ABCC9: variants seen among roughly 807,000 people sequenced by gnomAD.
ABCC9 encodes the protein ATP-binding cassette sub-family C member 9.
ABCC9 carries 95 observed loss-of-function variants against 188.3 expected under a neutral mutation model. That is an observed-to-expected ratio of 0.50 (90% CI 0.43 to 0.60). The LOEUF (loss-of-function observed/expected upper bound fraction) is 0.60, where lower values mean the gene tolerates loss of function less well. ABCC9 is among the 20% of genes least tolerant of loss of function. The pLI is 0.00. For synonymous variants in ABCC9, 659 were observed against 652.7 expected (o/e 1.01, Z -0.15); for missense variants, 1,102 against 1,876.3 (o/e 0.59, Z 7.62).
chr12:21,887,121 C>G (rs550946736), intron 15 of ABCC9, among the ~76,000 whole-genome samples: 1 of 152,112 alleles, frequency 6.6e-6, no homozygotes, highest in African/African-American at 2.4e-5. Flanking sequence ...TGGCACAAAG[C>G]ACAGGGCAGC....
chr12:21,872,638 C>G lies in ABCC9; in HGVS notation c.2185G>C (p.Val729Leu), dbSNP rs1946139108. The change falls in exon 18 of 40, where the codon GTT (valine) becomes CTT (leucine). Residue 729 changes from valine (V) to leucine (L), a missense_variant. Physicochemically the swap from Val to Leu is conservative, Grantham distance 32 (BLOSUM62 1). Coordinates refer to ENST00000261200, the MANE Select transcript of ABCC9 (RefSeq NM_020297.4). ...AAATATACATACTTGCTCCAGTGAACTTTTCCTTCCAATGTCTGCATCTCA... is the reference window on the plus strand; with the variant it reads ...AAATATACATACTTGCTCCAGTGAAGTTTTCCTTCCAATGTCTGCATCTCA... ...LGEMQTLEGK[V>L]HWSNVNESEP... 6.2e-7 allele frequency: 1 copy of G among 1,613,322 alleles called. No homozygotes were observed. The highest frequency in any genetic ancestry group is 8.5e-7 in the Non-Finnish European group (1 of 1,179,432).
chr12:21,897,793 C>T (rs1443594414), intron 12 of ABCC9, among the ~76,000 whole-genome samples: 2 of 152,046 alleles, frequency 1.3e-5, no homozygotes, highest in Middle Eastern at 3.2e-3. Context: ...AATGTATTTT[C>T]CCCCTCATGA....
At chr12:21,810,065 T>TA in intron 36 of ABCC9, 110 bp from the exon 37 acceptor site, 1 of 730,094 alleles carries the variant, frequency 1.4e-6, no homozygotes, top group East Asian at 2.7e-5. Context: ...TTGTTTTGGT[T>TA]ACTGCTGTAT....
rs192811204 is a variant in ABCC9 at position 21,923,437 on chromosome 12, G to A, written c.406+2505C>T. The A allele has an allele frequency of 4.8e-4, 77 of 159,108 alleles. 1 individual carries two copies. Among genetic ancestry groups the A allele is most frequent in the Admixed American group, 3.6e-3 (54 of 14,976 alleles). 9.9% of individuals were successfully genotyped at this position (159,108 alleles called of 1,614,324 possible). A position where few individuals can be genotyped will look rare whatever the true frequency, so the allele number is the denominator to read the frequency against. On this transcript the variant is annotated intron_variant, in intron 5 of 39. Coordinates refer to ENST00000261200, the MANE Select transcript of ABCC9 (RefSeq NM_020297.4). ...AGTATGCACAAAATATTCCTACAAC[G>A]CAATAATAAAAGTGCAACCCAATGA...
intron 4 of ABCC9, among the ~76,000 whole-genome samples, chr12:21,930,400 AT>A (rs947517586): frequency 4.0e-5 from 6 of 151,722 alleles, no homozygotes; most frequent in African/African-American, 9.7e-5. Context: ...AAAAATTCAA[AT>A]TTTTTTTTAC....
intron 30 of ABCC9, among the ~76,000 whole-genome samples, chr12:21,832,101 C>T (rs761802660): frequency 1.1e-4 from 17 of 152,174 alleles, no homozygotes; most frequent in Non-Finnish European, 1.8e-4. Context: ...AACTTTGACA[C>T]ACTCAGCCTG....
At chr12:21,844,989 C>G (rs576251609) in intron 26 of ABCC9, 74 bp from the exon 27 acceptor site, 17 of 1,523,512 alleles carry the variant, frequency 1.1e-5, no homozygotes, top group Non-Finnish European at 1.5e-5. Context: ...AACCAAATGT[C>G]AATGTCAGAC....
chr12:21,936,775 G>GGGCT (rs1175063713), intron 2 of ABCC9, 81 bp from the exon 3 acceptor site: 37 of 1,024,258 alleles, frequency 3.6e-5, no homozygotes, highest in Admixed American at 1.4e-4. Flanking sequence ...CTTGAATAGA[G>GGGCT]GGCTATATCA....
intron 36 of ABCC9, among the ~76,000 whole-genome samples, chr12:21,811,279 A>G (rs1276330454): frequency 6.6e-6 from 1 of 152,082 alleles, no homozygotes; most frequent in Admixed American, 6.6e-5. Flanking sequence ...AGCCATGAAG[A>G]GCTGGGAGTC....
chr12:21,899,258 C>T (rs1280092988), intron 12 of ABCC9, among the ~76,000 whole-genome samples: 1 of 152,196 alleles, frequency 6.6e-6, no homozygotes, highest in Non-Finnish European at 1.5e-5. Context: ...CCGAATTCAT[C>T]AAATGAATCT....
chr12:21,910,697 G>A, intron 9 of ABCC9, 129 bp downstream of exon 9: 1 of 803,026 alleles, frequency 1.2e-6, no homozygotes, highest in Non-Finnish European at 2.1e-6. Flanking sequence ...GTAGATTATA[G>A]AAACGTTGTT....
In ABCC9 at chr12:21,852,491, T is replaced by C; in HGVS notation, c.2520A>G (p.Ser840=). The C allele has an allele frequency of 6.2e-7, 1 of 1,611,468 alleles. No individual in the cohort carries two copies. The highest frequency in any genetic ancestry group is 8.5e-7 in the Non-Finnish European group (1 of 1,179,924). ...GATCACTCAAGTGAATGTCCAGGGC[T>C]GAGAATGGATCATCCTGCAATCAGT... ...TNIVFLDDPF[S]ALDIHLSDHL... Residue 840 remains serine (S), a synonymous_variant, in exon 23 of 40, where the codon TCA becomes TCG. Transcript: ENST00000261200.
At chr12:21,847,626 G>A (rs967841792) in intron 25 of ABCC9, among the ~76,000 whole-genome samples, 1 of 152,088 alleles carries the variant, frequency 6.6e-6, no homozygotes, top group African/African-American at 2.4e-5. Context: ...CACATTTCCA[G>A]TCAATCTTTT....
At chr12:21,821,571 A>T (rs1026250976) in intron 31 of ABCC9, among the ~76,000 whole-genome samples, 23 of 152,250 alleles carry the variant, frequency 1.5e-4, no homozygotes, top group Admixed American at 1.4e-3. Context: ...ATGGAAATTA[A>T]ACAGTAGGAG....
chr12:21,848,108 T>A lies in ABCC9; in HGVS notation c.2866+42A>T, dbSNP rs776650938. 1.8e-4 allele frequency: 281 copies of A among 1,569,070 alleles called. 1 individual carries two copies. The highest frequency in any genetic ancestry group is 3.6e-5 in the Non-Finnish European group (41 of 1,139,962). ...ACACATAAAAAACCCTCGCATCCTG[T>A]TATCCCATTAGAATGTTCCAGATAA... On this transcript the variant is annotated intron_variant, in intron 25 of 39. Transcript: ENST00000261200.
rs1170853573 is a variant in ABCC9 at position 21,917,087 on chromosome 12, C to G, written c.423G>C (p.Trp141Cys). Residue 141 changes from tryptophan to cysteine, a missense_variant, in exon 6 of 40, where the codon TGG (tryptophan) becomes TGC (cysteine). Around this residue, in one of 12 missense-constraint regions of ABCC9, gnomAD observed 305 missense variants for 573.0 expected, o/e 0.53. Transcript: ENST00000261200. Reference sequence around the variant, plus strand: ...TTGTTTTTGTAATAAAGGCCATTACCCAATACAGGAACAGGGCTGAAAAGA... The same window carrying G: ...TTGTTTTTGTAATAAAGGCCATTACGCAATACAGGAACAGGGCTGAAAAGA... ...PKLLLALFLY[W>C]VMAFITKTIK... 6 of 1,613,620 alleles carry G rather than the reference C, an allele frequency of 3.7e-6. No homozygotes were observed. Among genetic ancestry groups the G allele is most frequent in the Non-Finnish European group, 5.1e-6 (6 of 1,179,720 alleles).
chr12:21,915,464 ATGTGTGTGTATATATG>A (rs1418560168), intron 7 of ABCC9, among the ~76,000 whole-genome samples, 188 bp downstream of exon 7: 2 of 33,314 alleles, frequency 6.0e-5, no homozygotes, highest in African/African-American at 1.9e-4. Context: ...ATGTGTGTAT[ATGTGTGTGTATATATG>A]TGTGTGTGTG....
intron 31 of ABCC9, 146 bp from the exon 32 acceptor site, chr12:21,818,397 A>G: frequency 2.9e-6 from 2 of 701,582 alleles, no homozygotes; most frequent in Non-Finnish European, 5.1e-6. Context: ...CCTAAGATGT[A>G]GAAGAATAAT....
In ABCC9 at chr12:21,884,609, T is replaced by G. The variant is rs1451100843; in HGVS notation, c.1912-1736A>C. Among the ~76,000 whole-genome samples the G allele has an allele frequency of 2.6e-5, 4 of 152,260 alleles. No individual in the cohort carries two copies. The East Asian group carries it at 7.7e-4, about 29-fold the overall frequency. On this transcript the variant is annotated intron_variant, in intron 15 of 39. Coordinates refer to ENST00000261200, the MANE Select transcript of ABCC9 (RefSeq NM_020297.4). ...TCAGTAATTTAATCCAAACAAGATATTGCTCTTCCAATTTCCATCAACTGG... is the reference window on the plus strand; with the variant it reads ...TCAGTAATTTAATCCAAACAAGATAGTGCTCTTCCAATTTCCATCAACTGG...
Sources: allele counts gnomAD v4.1 joint callset (sites outside exome capture counted in the v4.1 genomes callset), GRCh38; gene constraint gnomAD v4.1.1; regional missense constraint gnomAD v4.1.1; transcripts MANE v1.5; gene names NCBI Gene and HGNC (gene_info 2026-07-23, HGNC 2026-07-21).